GBE1: variants seen among roughly 807,000 people sequenced by gnomAD.
GBE1 encodes 1,4-alpha-glucan branching enzyme 1.
In GBE1, 70 loss-of-function variants were observed where a neutral mutation model predicts 88.8. The ratio of observed to expected loss-of-function variants is 0.79; its 90% CI spans 0.65 to 0.96. The LOEUF (loss-of-function observed/expected upper bound fraction) is 0.96, where lower values mean the gene tolerates loss of function less well. GBE1 is among the 40% of genes least tolerant of loss of function. The pLI is 0.00. For missense variants in GBE1, 872 were observed against 871.0 expected, an observed-to-expected ratio of 1.00 and a Z score of -0.01; for synonymous variants, 284 against 300.1, an observed-to-expected ratio of 0.95 and a Z score of 0.56.
intron 1 of GBE1, among the ~76,000 whole-genome samples, chr3:81,717,950 TTTTATTTTATTTA>T (rs1449416191): frequency 7.2e-6 from 1 of 138,812 alleles, no homozygotes; most frequent in Non-Finnish European, 1.5e-5. Context: ...ACACAGGAAA[TTTTATTTTATTTA>T]TTTATTTATT....
At chr3:81,494,095 TA>T (rs1380381282) in intron 15 of GBE1, among the ~76,000 whole-genome samples, 2 of 152,170 alleles carry the variant, frequency 1.3e-5, no homozygotes, top group Non-Finnish European at 2.9e-5. Flanking sequence ...AATATACATA[TA>T]TTTCACTGCA....
chr3:81,654,773 A>C (rs1215679839), intron 3 of GBE1: 1 of 152,212 alleles, frequency 6.6e-6, no homozygotes, highest in Non-Finnish European at 1.5e-5. Flanking sequence ...TACTACTTCC[A>C]CTTCTTTTTT....
chr3:81,574,775 T>A (rs1195040565), intron 12 of GBE1, among the ~76,000 whole-genome samples: 1 of 152,138 alleles, frequency 6.6e-6, no homozygotes, highest in Non-Finnish European at 1.5e-5. Flanking sequence ...TTCTTATAAC[T>A]TTTGGCCCCA....
intron 1 of GBE1, among the ~76,000 whole-genome samples, chr3:81,712,827 A>T (rs537119559): frequency 9.3e-5 from 14 of 151,270 alleles, no homozygotes; most frequent in South Asian, 2.1e-4. Flanking sequence ...AATAAATAAA[A>T]AAGCTCTCCA....
At chr3:81,502,839 T>G (rs1219083570) in intron 14 of GBE1, among the ~76,000 whole-genome samples, 1 of 152,202 alleles carries the variant, frequency 6.6e-6, no homozygotes, top group East Asian at 1.9e-4. Flanking sequence ...CTGTGAAAAT[T>G]TATCTCTGAA....
intron 9 of GBE1, among the ~76,000 whole-genome samples, 175 bp downstream of exon 9, chr3:81,590,862 G>T (rs1703867819): frequency 6.6e-6 from 1 of 151,956 alleles, no homozygotes; most frequent in Non-Finnish European, 1.5e-5. Context: ...TTCTAATAGG[G>T]AAACAGTGAA....
At chr3:81,701,201 C>T (rs571622105) in intron 2 of GBE1, among the ~76,000 whole-genome samples, 1 of 152,182 alleles carries the variant, frequency 6.6e-6, no homozygotes, top group East Asian at 1.9e-4. Flanking sequence ...TGGTAAGAGT[C>T]CAATCCTGAT....
chr3:81,553,583 C>CTTT (rs34551400), intron 12 of GBE1, among the ~76,000 whole-genome samples: 5 of 133,626 alleles, frequency 3.7e-5, no homozygotes, highest in African/African-American at 1.3e-4. Context: ...TGGAAAATGT[C>CTTT]TTTTTTTTTT....
Position 81,648,860 on chromosome 3 carries a change from G to T in GBE1, c.687C>A (p.Gly229=). The T allele has an allele frequency of 6.6e-7, 1 of 1,506,506 alleles. No individual in the cohort carries two copies. Among genetic ancestry groups the T allele is most frequent in the Non-Finnish European group, 8.9e-7 (1 of 1,122,706 alleles). 93.3% of individuals were successfully genotyped at this position (1,506,506 alleles called of 1,614,324 possible). ...AAAATCACAGTTATTACTTACCAAG[G>T]CCTTTGATTCTTGGTAGTACATTGC... ...FTCNVLPRIK[G]LGYNCIQLMA... Residue 229 remains glycine (G), a synonymous_variant, in exon 5 of 16, where the codon GGC becomes GGA. Coordinates refer to ENST00000429644, the MANE Select transcript of GBE1 (RefSeq NM_000158.4).
intron 3 of GBE1, among the ~76,000 whole-genome samples, chr3:81,664,121 G>A (rs1705075018): frequency 6.6e-6 from 1 of 152,072 alleles, no homozygotes; most frequent in African/African-American, 2.4e-5. Context: ...CACAGAAGTT[G>A]GCAATACCTA....
At chr3:81,504,184 T>C (rs1702625495) in intron 14 of GBE1, among the ~76,000 whole-genome samples, 1 of 152,082 alleles carries the variant, frequency 6.6e-6, no homozygotes, top group Non-Finnish European at 1.5e-5. Context: ...CAACATGAGA[T>C]CTTAAGGGGA....
chr3:81,513,261 G>A (rs1702748659), intron 14 of GBE1, among the ~76,000 whole-genome samples: 1 of 151,668 alleles, frequency 6.6e-6, no homozygotes, highest in Admixed American at 6.6e-5. Context: ...TCAAGACAGT[G>A]CTGCAGGATA....
intron 7 of GBE1, among the ~76,000 whole-genome samples, chr3:81,596,289 C>CT (rs984657593): frequency 3.5e-4 from 52 of 148,128 alleles, no homozygotes; most frequent in South Asian, 8.5e-4. Flanking sequence ...AGTCAATTTT[C>CT]TTTTTTTTTT....
At chr3:81,628,285 A>G (rs914731863) in intron 7 of GBE1, among the ~76,000 whole-genome samples, 2 of 152,140 alleles carry the variant, frequency 1.3e-5, no homozygotes, top group Non-Finnish European at 1.5e-5. Flanking sequence ...GACCAGGTGC[A>G]GCATAGTCTC....
intron 2 of GBE1, among the ~76,000 whole-genome samples, chr3:81,704,987 C>T (rs968599352): frequency 3.3e-5 from 5 of 151,942 alleles, no homozygotes; most frequent in African/African-American, 1.2e-4. Context: ...GAGGTTACAC[C>T]CCAGATTAGA....
At chr3:81,688,761 T>A (rs1705477748) in intron 2 of GBE1, among the ~76,000 whole-genome samples, 1 of 151,772 alleles carries the variant, frequency 6.6e-6, no homozygotes, top group Non-Finnish European at 1.5e-5. Flanking sequence ...AAAACATGAA[T>A]GACATGAATG....
intron 1 of GBE1, among the ~76,000 whole-genome samples, chr3:81,711,555 A>G (rs1284358414): frequency 6.6e-6 from 1 of 152,130 alleles, no homozygotes; most frequent in African/African-American, 2.4e-5. Context: ...CCATTGGTCT[A>G]TATCTCTGTT....
chr3:81,560,480 C>T (rs1485096395), intron 12 of GBE1, among the ~76,000 whole-genome samples: 1 of 151,790 alleles, frequency 6.6e-6, no homozygotes, highest in Non-Finnish European at 1.5e-5. Flanking sequence ...AATTTGTTAT[C>T]AATTATACCA....
rs2107044180 is a variant in GBE1 at position 81,635,357 on chromosome 3, G to T, written c.992+7424C>A. On this transcript the variant is annotated intron_variant, in intron 7 of 15. Transcript: ENST00000429644. ...GCAGAAGTTAGATAAAAATCTGCCT[G>T]CTCACTAATCTAAGTTAATGGGAAT... Among the ~76,000 whole-genome samples, 4 of 152,142 alleles carry T rather than the reference G, an allele frequency of 2.6e-5. No individual in the cohort carries two copies. The Middle Eastern group carries it at 0.01, about 391-fold the overall frequency.
Sources: gnomAD v4.1 joint callset for allele counts (sites outside exome capture counted in the v4.1 genomes callset) on GRCh38, gnomAD v4.1.1 for gene constraint, MANE v1.5 for transcripts, NCBI Gene and HGNC (gene_info 2026-07-23, HGNC 2026-07-21) for gene names.